Variants in HORMAD2 observed in about 807,000 individuals in gnomAD.
The protein encoded by HORMAD2 is HORMA domain containing 2, also known as HORMA domain-containing protein 2.
Under a neutral mutation model 38.8 loss-of-function variants are expected in HORMAD2, and 45 were observed. The ratio of observed to expected loss-of-function variants is 1.16; its 90% CI spans 0.91 to 1.49. The LOEUF (loss-of-function observed/expected upper bound fraction) is 1.49, where lower values mean the gene tolerates loss of function less well. Ranked by LOEUF, HORMAD2 falls within the 40% of genes most tolerant of loss-of-function variation. HORMAD2 has a pLI of 0.00. For synonymous variants in HORMAD2, 126 were observed against 122.8 expected (o/e 1.03, Z -0.17); for missense variants, 338 against 367.0 (o/e 0.92, Z 0.65).
At chr22:30,091,096 GACTT>G (rs1391596635) in intron 1 of HORMAD2, among the ~76,000 whole-genome samples, 3 of 152,006 alleles carry the variant, frequency 2.0e-5, no homozygotes, top group Non-Finnish European at 2.9e-5. Flanking sequence ...TTCTGTACTT[GACTT>G]ACTTCACTTA....
At chr22:30,143,726 C>T (rs958932443) in intron 10 of HORMAD2, among the ~76,000 whole-genome samples, 33 of 152,100 alleles carry the variant, frequency 2.2e-4, no homozygotes, top group African/African-American at 7.7e-4. Flanking sequence ...GTTGATATGC[C>T]TTGGATATTT....
chr22:30,131,642 C>A (rs533444283), intron 10 of HORMAD2, among the ~76,000 whole-genome samples: 21 of 152,236 alleles, frequency 1.4e-4, no homozygotes, highest in South Asian at 1.0e-3. Context: ...AATAGTTTAT[C>A]ATTTGATTTA....
Position 30,119,622 on chromosome 22 carries a change from C to G in HORMAD2, c.410+575C>G, listed in dbSNP as rs552404952. Reference sequence around the variant, plus strand: ...TTGAAGAGCAACGTTTATTTTTCTCCCAGTAGCTTTTGGATTCAGACCTGC... The same window carrying G: ...TTGAAGAGCAACGTTTATTTTTCTCGCAGTAGCTTTTGGATTCAGACCTGC... On this transcript the variant is annotated intron_variant, in intron 8 of 10. Coordinates refer to ENST00000336726, the MANE Select transcript of HORMAD2 (RefSeq NM_152510.4). Among the ~76,000 whole-genome samples, 116 of 152,188 alleles carry G rather than the reference C, an allele frequency of 7.6e-4. No individual in the cohort carries two copies. In the Middle Eastern group the frequency reaches 0.014, roughly 18 times the overall value.
chr22:30,103,316 C>A, intron 3 of HORMAD2, 121 bp from the exon 4 acceptor site: 2 of 639,062 alleles, frequency 3.1e-6, no homozygotes, highest in South Asian at 1.8e-5. Context: ...TTTTTATAAG[C>A]TATAAAACTA....
intron 10 of HORMAD2, among the ~76,000 whole-genome samples, chr22:30,138,722 G>C (rs1206400720): frequency 6.6e-6 from 1 of 152,072 alleles, no homozygotes; most frequent in East Asian, 1.9e-4. Context: ...TATGTGAATA[G>C]TATGTGAACT....
At position 30,169,337 on chromosome 22, in the gene HORMAD2, A is replaced by G. The variant is rs1925970992; in HGVS notation, c.820-6726A>G. On this transcript the variant is annotated intron_variant, in intron 10 of 10. Coordinates refer to ENST00000336726, the MANE Select transcript of HORMAD2 (RefSeq NM_152510.4). ...TTTAGTGTTTAACACAATGTCTGGCACAGAGAAGGTGCCCAAAAAAAATTT... is the reference window on the plus strand; with the variant it reads ...TTTAGTGTTTAACACAATGTCTGGCGCAGAGAAGGTGCCCAAAAAAAATTT... 1.3e-5 allele frequency among the ~76,000 whole-genome samples: 2 copies of G among 152,188 alleles called. 1 individual carries two copies. The highest frequency in any genetic ancestry group is 4.1e-4 in the South Asian group (2 of 4,832).
intron 10 of HORMAD2, among the ~76,000 whole-genome samples, chr22:30,142,819 T>C (rs1166120672): frequency 6.6e-6 from 1 of 152,224 alleles, no homozygotes; most frequent in Non-Finnish European, 1.5e-5. Context: ...CTTTAATTTT[T>C]TTCACTATTT....
chr22:30,195,834 A>G, the HORMAD2 span, among the ~76,000 whole-genome samples: 1 of 152,216 alleles, frequency 6.6e-6, no homozygotes, highest in Non-Finnish European at 1.5e-5. Context: ...ATAAAGGCTC[A>G]CATTGGCTTT....
the HORMAD2 span, among the ~76,000 whole-genome samples, chr22:30,196,958 G>A: frequency 3.3e-5 from 5 of 152,092 alleles, no homozygotes; most frequent in African/African-American, 4.8e-5. Context: ...TTTTCTCCCC[G>A]CCTTACCTCC....
chr22:30,092,381 ACTT>A (rs1175814302), intron 1 of HORMAD2, among the ~76,000 whole-genome samples: 84 of 116,162 alleles, frequency 7.2e-4, no homozygotes, highest in African/African-American at 2.6e-3. Flanking sequence ...AGTTGCTTGC[ACTT>A]CTTGTATATT....
At chr22:30,124,256 AACACAC>A (rs10616156) in intron 10 of HORMAD2, among the ~76,000 whole-genome samples, 1,945 of 146,562 alleles carry the variant, frequency 0.013, 37 homozygotes, top group African/African-American at 0.041. Context: ...GAATACATGG[AACACAC>A]ACACACACAC....
downstream of HORMAD2, among the ~76,000 whole-genome samples, chr22:30,180,032 G>T (rs1040818817): frequency 6.6e-6 from 1 of 151,996 alleles, no homozygotes; most frequent in Non-Finnish European, 1.5e-5. Context: ...AGAACTACAG[G>T]TACATGCCAC....
intron 10 of HORMAD2, among the ~76,000 whole-genome samples, chr22:30,148,818 C>T (rs1924576133): frequency 6.6e-6 from 1 of 152,122 alleles, no homozygotes; most frequent in African/African-American, 2.4e-5. Flanking sequence ...TCCTGGCTAA[C>T]ACGGTGAAAC....
the HORMAD2 span, among the ~76,000 whole-genome samples, chr22:30,188,865 G>A: frequency 4.6e-4 from 70 of 152,096 alleles, no homozygotes; most frequent in Non-Finnish European, 8.7e-4. Flanking sequence ...GCCGGGTGCG[G>A]TGGCTCATGC....
At chr22:30,185,008 A>G in the HORMAD2 span, among the ~76,000 whole-genome samples, 722 of 152,196 alleles carry the variant, frequency 4.7e-3, 8 homozygotes, top group African/African-American at 0.016. Flanking sequence ...TCTCTATTCC[A>G]CTGTTTCTTT....
chr22:30,131,773 TA>T (rs1212800872), intron 10 of HORMAD2, among the ~76,000 whole-genome samples: 4 of 152,222 alleles, frequency 2.6e-5, no homozygotes, highest in African/African-American at 7.2e-5. Context: ...TATTTCAATT[TA>T]AAAATAATGT....
chr22:30,168,741 G>A (rs1317274359), intron 10 of HORMAD2, among the ~76,000 whole-genome samples: 1 of 152,010 alleles, frequency 6.6e-6, no homozygotes, highest in Non-Finnish European at 1.5e-5. Flanking sequence ...TCCTTTTAAT[G>A]TTTTCCCTCT....
chr22:30,157,295 A>G (rs1341574893), intron 10 of HORMAD2, among the ~76,000 whole-genome samples: 1 of 152,230 alleles, frequency 6.6e-6, no homozygotes, highest in African/African-American at 2.4e-5. Context: ...CAAAGAAACC[A>G]GGTCTCACAT....
At chr22:30,204,116 G>A in the HORMAD2 span, among the ~76,000 whole-genome samples, 2 of 152,000 alleles carry the variant, frequency 1.3e-5, no homozygotes, top group African/African-American at 4.8e-5. Flanking sequence ...TAATTTGACT[G>A]TCTCCTCCAT....
Sources: allele counts gnomAD v4.1 joint callset (sites outside exome capture counted in the v4.1 genomes callset), GRCh38; gene constraint gnomAD v4.1.1; transcripts MANE v1.5; gene names NCBI Gene and HGNC (gene_info 2026-07-23, HGNC 2026-07-21).